Variants in VCF2 observed in about 807,000 individuals in gnomAD.
VCF2 encodes protein VCF2.
At chrX:55,159,092 A>G in the VCF2 span, 1 of 1,028,843 alleles carries the variant, frequency 9.7e-7, no homozygotes. Flanking sequence ...AGTGTAGGCA[A>G]TGAATGAAAT....
the VCF2 span, among the ~76,000 whole-genome samples, chrX:55,144,476 A>G: frequency 1.8e-5 from 2 of 111,239 alleles, no homozygotes; most frequent in African/African-American, 6.5e-5. Context: ...ACTCATGCCT[A>G]CTCCCTAAGT....
the VCF2 span, among the ~76,000 whole-genome samples, chrX:55,157,258 C>T: frequency 1.8e-5 from 2 of 112,550 alleles, no homozygotes; most frequent in Admixed American, 9.3e-5. Context: ...AAAGCCGGGG[C>T]GTGGTGGCTG....
At chrX:55,143,247 A>G in the VCF2 span, 1 of 111,929 alleles carries the variant, frequency 8.9e-6, no homozygotes, top group Admixed American at 9.5e-5. Context: ...TGTGGTGGGA[A>G]GATGTTACCA....
chrX:55,147,447 G>A, the VCF2 span, among the ~76,000 whole-genome samples: 1 of 110,228 alleles, frequency 9.1e-6, no homozygotes, highest in Non-Finnish European at 1.9e-5. Context: ...TTGATTTAAG[G>A]ATTAAATGTC....
the VCF2 span, chrX:55,160,676 C>G: frequency 3.9e-6 from 2 of 511,971 alleles, no homozygotes; most frequent in South Asian, 6.3e-5. Flanking sequence ...TCCATAGAAC[C>G]CCAGTAACAC....
At chrX:55,155,787 A>G in the VCF2 span, among the ~76,000 whole-genome samples, 1 of 111,497 alleles carries the variant, frequency 9.0e-6, no homozygotes, top group Non-Finnish European at 1.9e-5. Context: ...CTAATGAAGG[A>G]TAAATAGAAC....
chrX:55,158,508 T>C, the VCF2 span, among the ~76,000 whole-genome samples: 1 of 111,223 alleles, frequency 9.0e-6, no homozygotes, highest in Non-Finnish European at 1.9e-5. Context: ...TTAACAATAA[T>C]TTATTGTATA....
At chrX:55,148,209 T>C in the VCF2 span, among the ~76,000 whole-genome samples, 1 of 110,313 alleles carries the variant, frequency 9.1e-6, no homozygotes. Context: ...ATAGAAAAAA[T>C]GCCTGTAAAT....
chrX:55,150,766 G>T, the VCF2 span, among the ~76,000 whole-genome samples: 2 of 110,962 alleles, frequency 1.8e-5, no homozygotes, highest in African/African-American at 6.6e-5. Context: ...TTGAATGCAG[G>T]CTTCTGATAA....
At chrX:55,146,907 C>G in the VCF2 span, among the ~76,000 whole-genome samples, 3 of 112,435 alleles carry the variant, frequency 2.7e-5, no homozygotes, top group South Asian at 1.1e-3. Context: ...ATTTGACATA[C>G]TTTTAGTTAA....
the VCF2 span, among the ~76,000 whole-genome samples, chrX:55,155,588 G>T: frequency 8.9e-6 from 1 of 111,764 alleles, no homozygotes; most frequent in African/African-American, 3.3e-5. Flanking sequence ...TTCCTGACAT[G>T]TTACAGCAAA....
At chrX:55,159,116 C>A in the VCF2 span, 1 of 1,170,972 alleles carries the variant, frequency 8.5e-7, no homozygotes, top group Non-Finnish European at 1.2e-6. Flanking sequence ...GGCAATCTGA[C>A]CATACTTGCT....
chrX:55,144,626 T>G, the VCF2 span, among the ~76,000 whole-genome samples: 1 of 111,845 alleles, frequency 8.9e-6, no homozygotes, highest in Admixed American at 9.5e-5. Context: ...GTATGTATTC[T>G]TTTCCTAAGA....
At chrX:55,160,038 A>ACTAGGAGACT in the VCF2 span, among the ~76,000 whole-genome samples, 1 of 112,202 alleles carries the variant, frequency 8.9e-6, no homozygotes, top group African/African-American at 3.2e-5. Context: ...GAGACTGAGT[A>ACTAGGAGACT]CTAGGAGACT....
chrX:55,145,560 G>A, the VCF2 span: 1 of 755,380 alleles, frequency 1.3e-6, no homozygotes, highest in Non-Finnish European at 1.6e-6. Context: ...TACCTTCTGA[G>A]GGGAGTATGG....
chrX:55,157,306 G>A, the VCF2 span, among the ~76,000 whole-genome samples: 1 of 112,227 alleles, frequency 8.9e-6, no homozygotes, highest in Non-Finnish European at 1.9e-5. Flanking sequence ...GCCGAGGCGG[G>A]CGGATCACTT....
the VCF2 span, chrX:55,161,175 A>G: frequency 1.7e-6 from 2 of 1,202,867 alleles, no homozygotes; most frequent in African/African-American, 3.5e-5. Context: ...CCTCGGAACC[A>G]TAGCAACCGC....
chrX:55,151,140 G>A, the VCF2 span, among the ~76,000 whole-genome samples: 1 of 112,283 alleles, frequency 8.9e-6, no homozygotes, highest in Non-Finnish European at 1.9e-5. Context: ...GTTTATGGTA[G>A]TATAGTTATT....
At chrX:55,159,272 G>C in the VCF2 span, 3 of 1,014,807 alleles carry the variant, frequency 3.0e-6, no homozygotes, top group South Asian at 4.3e-5. Context: ...TGAAACAACT[G>C]ATCTTTTGGA....
Sources: gnomAD v4.1 joint callset for allele counts (sites outside exome capture counted in the v4.1 genomes callset) on GRCh38, gnomAD v4.1.1 for gene constraint, MANE v1.5 for transcripts, NCBI Gene and HGNC (gene_info 2026-07-23, HGNC 2026-07-21) for gene names.